Variants in BCKDHA observed in about 807,000 individuals in gnomAD.
BCKDHA encodes 2-oxoisovalerate dehydrogenase subunit alpha, mitochondrial.
BCKDHA carries 43 observed loss-of-function variants against 52.2 expected under a neutral mutation model. The observed-to-expected ratio is 0.82, with a 90% confidence interval of 0.64 to 1.06. BCKDHA has a LOEUF of 1.06. Among genes scored for constraint, BCKDHA ranks in the 50% least tolerant of loss-of-function variants. The pLI, the probability that BCKDHA is intolerant of heterozygous loss-of-function variation, is 0.00. For missense variants in BCKDHA, 527 were observed against 621.3 expected, an observed-to-expected ratio of 0.85 and a Z score of 1.61; for synonymous variants, 234 against 247.9, an observed-to-expected ratio of 0.94 and a Z score of 0.53.
intron 1 of BCKDHA, among the ~76,000 whole-genome samples, chr19:41,405,132 C>T (rs1358508598): frequency 6.6e-6 from 1 of 152,114 alleles, no homozygotes; most frequent in Non-Finnish European, 1.5e-5. Flanking sequence ...TACTTACTCA[C>T]TACTTGTGTT....
intron 8 of BCKDHA, 130 bp downstream of exon 8, chr19:41,423,299 A>C: frequency 7.1e-7 from 1 of 1,413,282 alleles, no homozygotes; most frequent in East Asian, 2.5e-5. Context: ...TGGCCTGTGG[A>C]GCCAGGCTGC....
At chr19:41,403,159 G>A (rs868367556) in intron 1 of BCKDHA, among the ~76,000 whole-genome samples, 3 of 152,176 alleles carry the variant, frequency 2.0e-5, no homozygotes, top group African/African-American at 7.2e-5. Context: ...TAATCTGCAC[G>A]CCTTTCCCTT....
chr19:41,423,512 T>G (rs1263175418), intron 8 of BCKDHA, among the ~76,000 whole-genome samples: 1 of 151,620 alleles, frequency 6.6e-6, no homozygotes, highest in African/African-American at 2.4e-5. Flanking sequence ...TGGCCAAACA[T>G]GGTCAAGCCC....
rs2039340283 is a variant in BCKDHA, at chr19:41,419,335, C to T, written c.646+39C>T. ...CCCTGTACCTTGCACATGTGCAGAC[C>T]AATGTCACACCCCTGTCCAGGCCTC... On this transcript the variant is annotated intron_variant, in intron 5 of 8. Transcript: ENST00000269980. 7.6e-6 allele frequency: 12 copies of T among 1,584,680 alleles called. No individual in the cohort carries two copies. In the East Asian group the frequency reaches 9.2e-5, roughly 12 times the overall value.
At position 41,424,623 on chromosome 19, in the gene BCKDHA, A is replaced by G; in HGVS notation, c.*15A>G. Reference sequence around the variant, plus strand: ...TCGATAAGTGAGACCTGCTCAGCCCACCCCCACCCATCCTCAGCTACCCCG... The same window carrying G: ...TCGATAAGTGAGACCTGCTCAGCCCGCCCCCACCCATCCTCAGCTACCCCG... On this transcript the variant is annotated 3_prime_UTR_variant, in exon 9 of 9. Transcript: ENST00000269980. The G allele has an allele frequency of 1.3e-6, 2 of 1,561,484 alleles. No individual in the cohort carries two copies. The highest frequency in any genetic ancestry group is 1.7e-6 in the Non-Finnish European group (2 of 1,148,292).
At chr19:41,421,870 G>C (rs2039369499) in intron 5 of BCKDHA, among the ~76,000 whole-genome samples, 1 of 152,104 alleles carries the variant, frequency 6.6e-6, no homozygotes, top group African/African-American at 2.4e-5. Flanking sequence ...GAGGTAAGAG[G>C]GGTTAGGTTC....
At chr19:41,402,227 A>G (rs2039146565) in intron 1 of BCKDHA, among the ~76,000 whole-genome samples, 1 of 152,274 alleles carries the variant, frequency 6.6e-6, no homozygotes, top group Non-Finnish European at 1.5e-5. Context: ...TGTGGGAATT[A>G]TGGGAGCTAT....
chr19:41,419,366 T>G lies in BCKDHA; in HGVS notation c.646+70T>G, dbSNP rs974413191. On this transcript the variant is annotated intron_variant, in intron 5 of 8. Coordinates refer to ENST00000269980, the MANE Select transcript of BCKDHA (RefSeq NM_000709.4). ...CACACCCCTGTCCAGGCCTCAGCTC[T>G]TTTGCCTGCCTTCTGGGTGGAATTC... is the stretch of plus-strand genomic sequence containing the variant. The G allele has an allele frequency of 1.9e-6, 3 of 1,540,052 alleles. No individual in the cohort carries two copies. The African/African-American group carries it at 4.1e-5, about 21-fold the overall frequency.
chr19:41,410,993 A>G lies in BCKDHA; in HGVS notation c.359A>G (p.Tyr120Cys), dbSNP rs764284154. Residue 120 changes from tyrosine (Y) to cysteine (C), a missense_variant, in exon 3 of 9, where the codon TAT (tyrosine) becomes TGT (cysteine). Coordinates refer to ENST00000269980, the MANE Select transcript of BCKDHA (RefSeq NM_000709.4). Reference sequence around the variant, plus strand: ...CTTAACACCATGGACCGCATCCTCTATGAGTCTCAGCGGCAGGTGCGTGGG... The same window carrying G: ...CTTAACACCATGGACCGCATCCTCTGTGAGTCTCAGCGGCAGGTGCGTGGG... ...TLLNTMDRIL[Y>C]ESQRQGRISF... 9.3e-6 allele frequency: 15 copies of G among 1,613,976 alleles called. No individual in the cohort carries two copies. The highest frequency in any genetic ancestry group is 3.4e-6 in the Non-Finnish European group (4 of 1,180,020).
intron 4 of BCKDHA, among the ~76,000 whole-genome samples, chr19:41,417,731 C>G (rs1212093368): frequency 6.6e-6 from 1 of 151,962 alleles, no homozygotes; most frequent in Admixed American, 6.6e-5. Flanking sequence ...TTGAGACCAG[C>G]CTGACCAACA....
At chr19:41,406,281 T>C (rs953522233) in intron 1 of BCKDHA, among the ~76,000 whole-genome samples, 6 of 152,184 alleles carry the variant, frequency 3.9e-5, no homozygotes, top group Non-Finnish European at 7.3e-5. Context: ...GTTCTCAGAC[T>C]CTGGCCTCCC....
At chr19:41,406,901 G>A (rs1445517749) in intron 1 of BCKDHA, among the ~76,000 whole-genome samples, 4 of 151,984 alleles carry the variant, frequency 2.6e-5, no homozygotes, top group South Asian at 2.1e-4. Flanking sequence ...TTTCAGAGAC[G>A]AGGGTTTTGC....
intron 1 of BCKDHA, among the ~76,000 whole-genome samples, chr19:41,405,826 C>T (rs1286074959): frequency 6.6e-6 from 1 of 152,234 alleles, no homozygotes; most frequent in Non-Finnish European, 1.5e-5. Flanking sequence ...CACCCCAGTA[C>T]TTCCTGGGCA....
At chr19:41,412,726 C>T (rs918189701) in intron 3 of BCKDHA, among the ~76,000 whole-genome samples, 2 of 150,334 alleles carry the variant, frequency 1.3e-5, no homozygotes, top group African/African-American at 2.5e-5. Flanking sequence ...TATTTAGAGA[C>T]GGAGTCCACC....
At position 41,403,216 on chromosome 19, in the gene BCKDHA, G is replaced by C. The variant is rs115611992; in HGVS notation, c.108+5281G>C. On this transcript the variant is annotated intron_variant, in intron 1 of 8. Coordinates refer to ENST00000269980, the MANE Select transcript of BCKDHA (RefSeq NM_000709.4). ...GGGGACTCAACTCTTTGCTCTGTTT[G>C]AGGGCAGAGTGCCTTTGAGCTCAGG... Among the ~76,000 whole-genome samples, 470 of 152,328 alleles carry C rather than the reference G, an allele frequency of 3.1e-3. 5 individuals are homozygous for C. The highest frequency in any genetic ancestry group is 0.01 in the African/African-American group (435 of 41,580).
At chr19:41,408,073 A>C (rs1209757026) in intron 1 of BCKDHA, among the ~76,000 whole-genome samples, 1 of 150,376 alleles carries the variant, frequency 6.6e-6, no homozygotes, top group African/African-American at 2.5e-5. Context: ...CTCCTGCCTC[A>C]GCCTCCCAAG....
At chr19:41,416,234 C>T (rs1031924203) in intron 4 of BCKDHA, among the ~76,000 whole-genome samples, 25 of 152,168 alleles carry the variant, frequency 1.6e-4, no homozygotes, top group Non-Finnish European at 1.6e-4. Flanking sequence ...CATGAGCCAC[C>T]GCGCCGGGCC....
chr19:41,421,458 G>GA (rs869210134), intron 5 of BCKDHA, among the ~76,000 whole-genome samples: 1 of 20,164 alleles, frequency 5.0e-5, no homozygotes, highest in African/African-American at 7.2e-4. Flanking sequence ...GAGGATGTGA[G>GA]GGGGGAGCTG....
chr19:41,421,842 C>T (rs1172408535), intron 5 of BCKDHA, among the ~76,000 whole-genome samples: 1 of 152,000 alleles, frequency 6.6e-6, no homozygotes, highest in East Asian at 1.9e-4. Flanking sequence ...TGGGCTTGAC[C>T]AGGGTGGTGC....
Sources: gnomAD v4.1 joint callset for allele counts (sites outside exome capture counted in the v4.1 genomes callset) on GRCh38, gnomAD v4.1.1 for gene constraint, MANE v1.5 for transcripts, NCBI Gene and HGNC (gene_info 2026-07-23, HGNC 2026-07-21) for gene names.